Variants in STOX2 observed in about 807,000 individuals in gnomAD.
STOX2 encodes the protein storkhead box 2, also known as storkhead-box protein 2.
In STOX2, 28 loss-of-function variants were observed where a neutral mutation model predicts 60.9. That is an observed-to-expected ratio of 0.46 (90% CI 0.34 to 0.63). The LOEUF (loss-of-function observed/expected upper bound fraction) is 0.63. STOX2 is among the 30% of genes least tolerant of loss of function. STOX2 has a pLI of 0.01. For synonymous variants in STOX2, 472 were observed against 463.9 expected (o/e 1.02, Z -0.22); for missense variants, 1,024 against 1,187.7 (o/e 0.86, Z 2.03).
chr4:183,950,311 G>T (rs1369927816), intron 1 of STOX2, among the ~76,000 whole-genome samples: 1 of 152,182 alleles, frequency 6.6e-6, no homozygotes, highest in Non-Finnish European at 1.5e-5. Flanking sequence ...AGTTGAAATG[G>T]TCTCCGCCTT....
intron 1 of STOX2, among the ~76,000 whole-genome samples, chr4:183,970,108 G>T (rs1743695001): frequency 6.8e-6 from 1 of 146,690 alleles, no homozygotes; most frequent in South Asian, 2.2e-4. Context: ...GTCTTGCTAG[G>T]TTTCTCAATC....
At chr4:183,915,301 C>A (rs1274321620) in intron 1 of STOX2, among the ~76,000 whole-genome samples, 1 of 152,224 alleles carries the variant, frequency 6.6e-6, no homozygotes, top group Non-Finnish European at 1.5e-5. Context: ...TGGTTGGTTC[C>A]CCTAAGAGAG....
At chr4:183,921,949 T>A (rs1305039416) in intron 1 of STOX2, among the ~76,000 whole-genome samples, 1 of 152,212 alleles carries the variant, frequency 6.6e-6, no homozygotes, top group Non-Finnish European at 1.5e-5. Context: ...TTAGAATCAA[T>A]ACACCAAACG....
chr4:183,841,917 A>T (rs1739872421), intron 1 of STOX2, among the ~76,000 whole-genome samples: 1 of 152,230 alleles, frequency 6.6e-6, no homozygotes, highest in Non-Finnish European at 1.5e-5. Context: ...TGGGAAAAAA[A>T]AACTTGACTG....
intron 1 of STOX2, among the ~76,000 whole-genome samples, chr4:183,964,290 T>A (rs984667086): frequency 1.1e-4 from 17 of 152,240 alleles, no homozygotes; most frequent in Non-Finnish European, 2.1e-4. Context: ...TTCAGATCTT[T>A]GTGACCTAGA....
chr4:183,806,125 G>C lies in STOX2; in HGVS notation c.364+8070G>C, dbSNP rs1738882767. ...TTTGTCCTTATGACATTAACACTTT[G>C]GAAGCATACCTCTGTGCTGTAGATT... On this transcript the variant is annotated intron_variant, in intron 1 of 2. Transcript: ENST00000513034. This position sits in a 1 kb window ranked among gnomAD's most constrained non-coding sequence, Gnocchi z 4.1. Among the ~76,000 whole-genome samples, 1 of 152,134 alleles carries C rather than the reference G, an allele frequency of 6.6e-6. No homozygotes were observed. The highest frequency in any genetic ancestry group is 2.1e-4 in the South Asian group (1 of 4,822).
Position 183,880,599 on chromosome 4 carries a change from A to T in STOX2, c.364+82544A>T, listed in dbSNP as rs1740937644. Among the ~76,000 whole-genome samples the T allele has an allele frequency of 2.0e-5, 3 of 152,342 alleles. No homozygotes were observed. The South Asian group carries it at 6.2e-4, about 32-fold the overall frequency. ...AGAAAAAGTATGTTTGGAGACTAGG[A>T]GAACAGAAAAGATGGCACTAAAATG... On this transcript the variant is annotated intron_variant, in intron 1 of 2. Transcript: ENST00000513034.
intron 1 of STOX2, among the ~76,000 whole-genome samples, chr4:183,866,691 T>C (rs536061563): frequency 2.0e-5 from 3 of 152,334 alleles, no homozygotes; most frequent in African/African-American, 7.2e-5. Flanking sequence ...TTAGTGTTTC[T>C]AAAACTTCAA....
At chr4:183,985,176 G>A (rs2111192863) in intron 1 of STOX2, among the ~76,000 whole-genome samples, 1 of 152,294 alleles carries the variant, frequency 6.6e-6, no homozygotes, top group East Asian at 1.9e-4. Flanking sequence ...TGGTCCATGT[G>A]CCAAGTAAGC....
In STOX2 at chr4:184,011,256, C is replaced by G. The variant is rs573008657; in HGVS notation, c.2418C>G (p.Leu806=). 1.3e-5 allele frequency: 21 copies of G among 1,613,490 alleles called. No homozygotes were observed. The highest frequency in any genetic ancestry group is 1.6e-4 in the Middle Eastern group (1 of 6,062). ...ACGTAGGCACCATGCAGTGGCTCCT[C>G]GAGCGGGAGAAGGAAAGAGACTTGC... ...REDVGTMQWL[L]EREKERDLQR... The change falls in exon 3 of 4, where the codon CTC becomes CTG. Residue 806 remains leucine, a synonymous_variant. Transcript: ENST00000308497. The surrounding 1 kb of genome is among the most constrained non-coding windows in gnomAD (Gnocchi z 4.4).
chr4:183,978,501 A>G (rs1297957012), intron 1 of STOX2, among the ~76,000 whole-genome samples: 1 of 152,194 alleles, frequency 6.6e-6, no homozygotes, highest in Non-Finnish European at 1.5e-5. Context: ...TTTGGTTACT[A>G]TAGCCTTGTA....
At chr4:183,899,686 A>C (rs1741421694) in intron 1 of STOX2, among the ~76,000 whole-genome samples, 1 of 152,256 alleles carries the variant, frequency 6.6e-6, no homozygotes, top group African/African-American at 2.4e-5. Flanking sequence ...CATGAGGCTT[A>C]GGAAAAGGAG....
intron 1 of STOX2, among the ~76,000 whole-genome samples, chr4:183,872,176 T>G (rs1261136078): frequency 5.3e-5 from 8 of 152,170 alleles, no homozygotes; most frequent in Admixed American, 5.2e-4. Flanking sequence ...TACCTCAGCC[T>G]TCTGAACAGC....
chr4:183,829,024 AT>A (rs1468116453), intron 1 of STOX2, among the ~76,000 whole-genome samples: 3 of 152,240 alleles, frequency 2.0e-5, no homozygotes, highest in Admixed American at 2.0e-4. Context: ...GAGATTAGCA[AT>A]TTGCTGATTT....
chr4:183,824,296 C>G (rs528091586), intron 1 of STOX2, among the ~76,000 whole-genome samples: 1 of 152,270 alleles, frequency 6.6e-6, no homozygotes, highest in Admixed American at 6.5e-5. Flanking sequence ...TCACCACCTG[C>G]TAATGTTCCT....
chr4:183,995,115 T>A (rs1013948459), intron 1 of STOX2, among the ~76,000 whole-genome samples: 4 of 152,060 alleles, frequency 2.6e-5, no homozygotes, highest in African/African-American at 9.7e-5. Context: ...GCAGGTATCT[T>A]TTGGAAAGCT....
intron 1 of STOX2, among the ~76,000 whole-genome samples, chr4:183,952,517 A>G (rs1211949591): frequency 6.6e-6 from 1 of 152,216 alleles, no homozygotes; most frequent in Non-Finnish European, 1.5e-5. Context: ...TAAACATTTG[A>G]GACTTTAAAA....
chr4:183,906,789 C>T lies in STOX2; in HGVS notation c.-2C>T, dbSNP rs970973835. On this transcript the variant is annotated 5_prime_UTR_variant, in exon 1 of 4. Coordinates refer to ENST00000308497, the MANE Select transcript of STOX2 (RefSeq NM_020225.3). ...TCGGGGCGGCAGGTCGCCCTCCCCA[C>T]CATGAAGAAGACCCGGAGCACAACC... is the stretch of plus-strand genomic sequence containing the variant. 2 of 1,531,952 alleles carry T rather than the reference C, an allele frequency of 1.3e-6. No homozygotes were observed. The highest frequency in any genetic ancestry group is 4.0e-5 in the Admixed American group (2 of 49,816). 94.9% of individuals were successfully genotyped at this position (1,531,952 alleles called of 1,614,324 possible).
chr4:183,960,557 AT>A (rs1743383489), intron 1 of STOX2, among the ~76,000 whole-genome samples: 1 of 152,208 alleles, frequency 6.6e-6, no homozygotes, highest in Non-Finnish European at 1.5e-5. Flanking sequence ...ATTTCATTTG[AT>A]TGCTGGCATC....
Sources: allele counts gnomAD v4.1 joint callset (sites outside exome capture counted in the v4.1 genomes callset), GRCh38; gene constraint gnomAD v4.1.1; non-coding constraint Gnocchi (gnomAD v3.1); transcripts MANE v1.5; gene names NCBI Gene and HGNC (gene_info 2026-07-23, HGNC 2026-07-21).